The following TAMM41 variants were observed in gnomAD, a reference collection of about 807,000 sequenced individuals.
TAMM41 encodes the protein TAM41 mitochondrial translocator assembly and maintenance homolog.
Under a neutral mutation model 44.1 loss-of-function variants are expected in TAMM41, and 36 were observed. The ratio of observed to expected loss-of-function variants is 0.82; its 90% confidence interval spans 0.63 to 1.08. TAMM41 has a LOEUF of 1.08. TAMM41 is among the 50% of genes least tolerant of loss of function. The probability of loss-of-function intolerance (pLI) is 0.00; values close to 1 mark genes in which losing one functional copy is unlikely to be tolerated. For missense variants in TAMM41, 417 were observed against 404.3 expected, an observed-to-expected ratio of 1.03 and a Z score of -0.27; for synonymous variants, 164 against 153.1, an observed-to-expected ratio of 1.07 and a Z score of -0.53.
chr3:11,786,886 G>T (rs941953100), downstream of TAMM41, among the ~76,000 whole-genome samples: 1 of 152,164 alleles, frequency 6.6e-6, no homozygotes, highest in Non-Finnish European at 1.5e-5. Flanking sequence ...GAGCCACCAC[G>T]CCTGGACAAC....
intron 7 of TAMM41, among the ~76,000 whole-genome samples, chr3:11,803,698 TA>T (rs2077820970): frequency 6.6e-6 from 1 of 152,202 alleles, no homozygotes; most frequent in Non-Finnish European, 1.5e-5. Context: ...GAGGACTGGA[TA>T]ACAAAAATGT....
chr3:11,781,472 C>T, the TAMM41 span, among the ~76,000 whole-genome samples: 1 of 152,128 alleles, frequency 6.6e-6, no homozygotes, highest in African/African-American at 2.4e-5. Context: ...CGGTGGCTCA[C>T]ACCTGTAATC....
At chr3:11,834,409 A>C (rs1330373877) in intron 3 of TAMM41, among the ~76,000 whole-genome samples, 2 of 152,238 alleles carry the variant, frequency 1.3e-5, no homozygotes, top group East Asian at 1.9e-4. Flanking sequence ...AATGTAAAAT[A>C]CAAAAATCCA....
the TAMM41 span, among the ~76,000 whole-genome samples, chr3:11,741,914 G>A: frequency 0.013 from 1,934 of 150,082 alleles, 234 homozygotes; most frequent in African/African-American, 0.047. Context: ...GGCAGGGAGC[G>A]TCTGCAGCAT....
the TAMM41 span, among the ~76,000 whole-genome samples, chr3:11,776,204 G>A: frequency 5.9e-5 from 9 of 151,554 alleles, no homozygotes; most frequent in African/African-American, 2.2e-4. Flanking sequence ...TTTTTTAGTA[G>A]AGATGGGGTT....
At chr3:11,786,286 T>TATTA (rs532095914), downstream of TAMM41, among the ~76,000 whole-genome samples, 258 of 138,854 alleles carry the variant, frequency 1.9e-3, 1 homozygote, top group African/African-American at 6.7e-3. Flanking sequence ...TTTATTTAAT[T>TATTA]TTATTATTAT....
chr3:11,817,367 T>G, intron 4 of TAMM41, 30 bp from the exon 5 acceptor site: 1 of 1,589,726 alleles, frequency 6.3e-7, no homozygotes. Flanking sequence ...AAACACATCT[T>G]CCATTAAGAA....
the TAMM41 span, among the ~76,000 whole-genome samples, chr3:11,759,686 A>G: frequency 6.6e-6 from 1 of 152,088 alleles, no homozygotes; most frequent in Non-Finnish European, 1.5e-5. Flanking sequence ...TTAAGAAAAC[A>G]TTCCTGGCTG....
chr3:11,817,424 C>T (rs566462501), intron 4 of TAMM41, 87 bp from the exon 5 acceptor site: 58 of 1,358,844 alleles, frequency 4.3e-5, no homozygotes, highest in Admixed American at 3.6e-4. Context: ...TGATACCGCA[C>T]GGGTTCACTC....
chr3:11,737,563 G>A, the TAMM41 span, among the ~76,000 whole-genome samples: 21 of 151,976 alleles, frequency 1.4e-4, no homozygotes, highest in African/African-American at 3.6e-4. Flanking sequence ...CAGGTGATCC[G>A]CCCGCCTTGG....
At chr3:11,790,346 C>T, downstream of TAMM41, 2 of 706,622 alleles carry the variant, frequency 2.8e-6, no homozygotes, top group Non-Finnish European at 4.9e-6. Flanking sequence ...TGGGTCCCAA[C>T]TGGATAAATG....
chr3:11,840,820 T>C (rs910525118), intron 2 of TAMM41, among the ~76,000 whole-genome samples: 1 of 152,108 alleles, frequency 6.6e-6, no homozygotes, highest in African/African-American at 2.4e-5. Context: ...ACAAATGACA[T>C]GCTCAAGGTG....
At chr3:11,837,967 T>C (rs901361815) in intron 3 of TAMM41, among the ~76,000 whole-genome samples, 1 of 152,104 alleles carries the variant, frequency 6.6e-6, no homozygotes, top group Non-Finnish European at 1.5e-5. Flanking sequence ...CAACCAATTC[T>C]CCAGCCCTCC....
chr3:11,816,643 G>A (rs1403540217), intron 5 of TAMM41, among the ~76,000 whole-genome samples: 2 of 152,158 alleles, frequency 1.3e-5, no homozygotes, highest in African/African-American at 4.8e-5. Flanking sequence ...GCATGCACCT[G>A]TAGTCCCAGC....
chr3:11,769,307 C>G, the TAMM41 span, among the ~76,000 whole-genome samples: 11 of 151,348 alleles, frequency 7.3e-5, no homozygotes, highest in African/African-American at 2.2e-4. Flanking sequence ...CCAGACTTGT[C>G]TTGAACTCCT....
chr3:11,796,538 C>T (rs201349511), intron 7 of TAMM41, among the ~76,000 whole-genome samples: 150 of 152,146 alleles, frequency 9.9e-4, no homozygotes, highest in African/African-American at 3.4e-3. Context: ...CCTTTTTATC[C>T]CATTTATGAG....
the TAMM41 span, among the ~76,000 whole-genome samples, chr3:11,738,866 G>A: frequency 3.9e-5 from 6 of 152,290 alleles, no homozygotes; most frequent in East Asian, 3.9e-4. Context: ...GCAAACTCCC[G>A]CTTGACCCTG....
At chr3:11,763,834 C>G in the TAMM41 span, among the ~76,000 whole-genome samples, 1 of 152,182 alleles carries the variant, frequency 6.6e-6, no homozygotes, top group African/African-American at 2.4e-5. Flanking sequence ...CATTTCTAAG[C>G]CTTCTGTTGC....
At chr3:11,747,847 T>G in the TAMM41 span, among the ~76,000 whole-genome samples, 1 of 150,974 alleles carries the variant, frequency 6.6e-6, no homozygotes. Context: ...AAGTGTCTAT[T>G]CAAGTCTATT....
Sources: gnomAD v4.1 joint callset for allele counts (sites outside exome capture counted in the v4.1 genomes callset) on GRCh38, gnomAD v4.1.1 for gene constraint, MANE v1.5 for transcripts, NCBI Gene and HGNC (gene_info 2026-07-23, HGNC 2026-07-21) for gene names.